NEXMIF: variants seen among roughly 807,000 people sequenced by gnomAD.
NEXMIF encodes neurite extension and migration factor, also known as XLMR protein related to neurite extension.
Under a neutral mutation model 62.1 loss-of-function variants are expected in NEXMIF, and 8 were observed. The observed-to-expected ratio is 0.13, with a 90% confidence interval of 0.08 to 0.23. The LOEUF (loss-of-function observed/expected upper bound fraction) is 0.23, where lower values mean the gene tolerates loss of function less well. Among genes scored for constraint, NEXMIF ranks in the 10% least tolerant of loss-of-function variants. The pLI, the probability that NEXMIF is intolerant of heterozygous loss-of-function variation, is 1.00. For synonymous variants in NEXMIF, 404 were observed against 416.6 expected, an observed-to-expected ratio of 0.97 and a Z score of 0.37; for missense variants, 976 against 1,113.3, an observed-to-expected ratio of 0.88 and a Z score of 1.75.
chrX:74,776,798 T>C (rs2147457200), intron 1 of NEXMIF, among the ~76,000 whole-genome samples: 1 of 110,049 alleles, frequency 9.1e-6, no homozygotes, highest in Admixed American at 9.7e-5. Flanking sequence ...TGAGTCGACT[T>C]TTCAAGATTA....
rs1027917253 is a variant in NEXMIF at position 74,733,366 on chromosome X, A to G, written c.*6039T>C. The G allele has an allele frequency of 5.4e-5, 6 of 111,858 alleles. No homozygotes were observed. The highest frequency in any genetic ancestry group is 1.6e-4 in the African/African-American group (5 of 30,703). 9.2% of individuals were successfully genotyped at this position (111,858 alleles called of 1,213,427 possible). ...TAATACATTTGGGCTTTTATTTTGCATATCTTTTTTCCATTTAACTTTCTT... is the reference window on the plus strand; with the variant it reads ...TAATACATTTGGGCTTTTATTTTGCGTATCTTTTTTCCATTTAACTTTCTT... On this transcript the variant is annotated 3_prime_UTR_variant, in exon 4 of 4. Transcript: ENST00000055682.
At chrX:74,775,541 G>A (rs940907935) in intron 1 of NEXMIF, among the ~76,000 whole-genome samples, 1 of 112,187 alleles carries the variant, frequency 8.9e-6, no homozygotes, top group Non-Finnish European at 1.9e-5. Context: ...TACCAAGATT[G>A]CTCTACCAGA....
intron 1 of NEXMIF, among the ~76,000 whole-genome samples, chrX:74,790,629 G>C (rs2080278115): frequency 8.8e-6 from 1 of 113,419 alleles, no homozygotes; most frequent in Non-Finnish European, 1.9e-5. Context: ...TCTTCCATTT[G>C]TTTGTATCCT....
chrX:74,760,602 T>A (rs1456841943), intron 1 of NEXMIF, among the ~76,000 whole-genome samples: 1 of 111,723 alleles, frequency 9.0e-6, no homozygotes, highest in Non-Finnish European at 1.9e-5. Context: ...CATGAAGAGA[T>A]GCTGAATTTT....
intron 1 of NEXMIF, among the ~76,000 whole-genome samples, chrX:74,778,293 A>G (rs1233399088): frequency 4.5e-5 from 5 of 111,687 alleles, no homozygotes; most frequent in Admixed American, 1.9e-4. Context: ...TGGATGGCTG[A>G]CCCCAGCTCC....
At chrX:74,801,692 G>C (rs1163978298) in intron 1 of NEXMIF, among the ~76,000 whole-genome samples, 1 of 112,378 alleles carries the variant, frequency 8.9e-6, no homozygotes, top group East Asian at 2.8e-4. Context: ...GAAAAGTGAA[G>C]GGGACTTTGT....
chrX:74,798,247 C>CAAACCAAAACAAA (rs929884079), intron 1 of NEXMIF, among the ~76,000 whole-genome samples: 1 of 111,457 alleles, frequency 9.0e-6, no homozygotes. Flanking sequence ...CACCAAAAAC[C>CAAACCAAAACAAA]AAACCAAAAC....
intron 1 of NEXMIF, among the ~76,000 whole-genome samples, chrX:74,806,311 G>C (rs1477814635): frequency 9.0e-6 from 1 of 110,744 alleles, no homozygotes; most frequent in Non-Finnish European, 1.9e-5. Context: ...CTAACTATTG[G>C]GTACTATGCT....
chrX:74,905,580 C>T (rs754559563), intron 1 of NEXMIF, among the ~76,000 whole-genome samples: 188 of 111,912 alleles, frequency 1.7e-3, no homozygotes, highest in Non-Finnish European at 2.7e-3. Context: ...GAGACCAAAG[C>T]GGTCAGATCA....
intron 1 of NEXMIF, among the ~76,000 whole-genome samples, chrX:74,884,904 G>C (rs1047365768): frequency 9.0e-6 from 1 of 111,132 alleles, no homozygotes; most frequent in Non-Finnish European, 1.9e-5. Flanking sequence ...AAGTAAAGCA[G>C]TCCTCAGCAA....
rs143043448 is a variant in NEXMIF at position 74,760,325 on chromosome X, G to A, written c.-47-14628C>T. On this transcript the variant is annotated intron_variant, in intron 1 of 3. Coordinates refer to ENST00000055682, the MANE Select transcript of NEXMIF (RefSeq NM_001008537.3). ...TGAGATTTTCTAGACACAGAATCAC[G>A]TCACTTGCAAATAGGGATAGTTTGA... is the stretch of plus-strand genomic sequence containing the variant. 7.5e-3 allele frequency among the ~76,000 whole-genome samples: 841 copies of A among 111,794 alleles called. 4 individuals carry two copies. Among genetic ancestry groups the A allele is most frequent in the Non-Finnish European group, 0.013 (700 of 53,175 alleles).
chrX:74,742,153 T>C lies in NEXMIF; in HGVS notation c.2404A>G (p.Asn802Asp), dbSNP rs1003126361. Reference sequence around the variant, plus strand: ...ATAACAGGTATATTAGTGGTAACATTAGCAGATGATAAAGGCATTTCAGAA... The same window carrying C: ...ATAACAGGTATATTAGTGGTAACATCAGCAGATGATAAAGGCATTTCAGAA... ...CSSEMPLSSA[N>D]VTTNIPVIPG... The change falls in exon 3 of 4, where the codon AAT (asparagine) becomes GAT (aspartate). Residue 802 changes from asparagine to aspartate, a missense_variant. Physicochemically the swap from Asn to Asp is conservative, Grantham distance 23. Coordinates refer to ENST00000055682, the MANE Select transcript of NEXMIF (RefSeq NM_001008537.3). The C allele has an allele frequency of 9.9e-6, 12 of 1,211,457 alleles. No individual in the cohort carries two copies. Among genetic ancestry groups the C allele is most frequent in the Non-Finnish European group, 1.3e-5 (12 of 895,246 alleles).
At chrX:74,776,972 G>A (rs959877555) in intron 1 of NEXMIF, among the ~76,000 whole-genome samples, 2 of 110,893 alleles carry the variant, frequency 1.8e-5, no homozygotes, top group African/African-American at 3.3e-5. Flanking sequence ...ACACATTAGC[G>A]ACTACTTAAA....
intron 1 of NEXMIF, among the ~76,000 whole-genome samples, chrX:74,873,947 G>A (rs1342044407): frequency 1.8e-5 from 2 of 111,358 alleles, no homozygotes; most frequent in East Asian, 5.7e-4. Context: ...TAGGCTGCCT[G>A]TTCACTCTGA....
intron 1 of NEXMIF, among the ~76,000 whole-genome samples, chrX:74,812,470 A>G (rs1005168361): frequency 8.9e-6 from 1 of 111,953 alleles, no homozygotes; most frequent in Non-Finnish European, 1.9e-5. Flanking sequence ...AATATTTTAT[A>G]TTCTTTCTGA....
At chrX:74,823,139 T>C (rs969969133) in intron 1 of NEXMIF, among the ~76,000 whole-genome samples, 1 of 111,982 alleles carries the variant, frequency 8.9e-6, no homozygotes, top group African/African-American at 3.2e-5. Flanking sequence ...AATATGTCCA[T>C]AATAGGCAAA....
intron 1 of NEXMIF, among the ~76,000 whole-genome samples, chrX:74,875,520 G>C (rs997285615): frequency 8.9e-6 from 1 of 112,060 alleles, no homozygotes; most frequent in Non-Finnish European, 1.9e-5. Context: ...AAATGAGTTA[G>C]GGAGGAGTCC....
At chrX:74,747,081 T>A (rs970640638) in intron 1 of NEXMIF, among the ~76,000 whole-genome samples, 2 of 111,633 alleles carry the variant, frequency 1.8e-5, no homozygotes, top group Admixed American at 1.9e-4. Flanking sequence ...ACCCTATAAA[T>A]CAGATGGAAT....
chrX:74,759,541 A>G (rs2080169854), intron 1 of NEXMIF, among the ~76,000 whole-genome samples: 2 of 112,011 alleles, frequency 1.8e-5, no homozygotes, highest in Non-Finnish European at 3.8e-5. Context: ...TAAGTCTTTA[A>G]TTCATCTTCA....
Sources: allele counts gnomAD v4.1 joint callset (sites outside exome capture counted in the v4.1 genomes callset), GRCh38; gene constraint gnomAD v4.1.1; transcripts MANE v1.5; gene names NCBI Gene and HGNC (gene_info 2026-07-23, HGNC 2026-07-21).